HPGD: variants seen among roughly 807,000 people sequenced by gnomAD.
The protein encoded by HPGD is 15-hydroxyprostaglandin dehydrogenase [NAD(+)].
A neutral mutation model predicts 30.0 loss-of-function variants in HPGD; 29 were observed. The observed-to-expected ratio is 0.97, with a 90% CI of 0.72 to 1.32. The LOEUF (loss-of-function observed/expected upper bound fraction) is 1.32, where lower values mean the gene tolerates loss of function less well. Among genes scored for constraint, HPGD ranks in the 40% most tolerant of loss-of-function variants. The pLI, the probability that HPGD is intolerant of heterozygous loss-of-function variation, is 0.00. For synonymous variants in HPGD, 99 were observed against 112.4 expected (o/e 0.88, Z 0.75); for missense variants, 340 against 322.1 (o/e 1.06, Z -0.43).
At chr4:174,520,093 A>C (rs1411781923) in intron 2 of HPGD, among the ~76,000 whole-genome samples, 1 of 152,118 alleles carries the variant, frequency 6.6e-6, no homozygotes, top group Non-Finnish European at 1.5e-5. Context: ...CCACAGAAAC[A>C]ACCTTCACCT....
rs1187806208 is a variant in HPGD at position 174,495,575 on chromosome 4, G to A, written c.471C>T (p.Gly157=). The A allele has an allele frequency of 3.7e-6, 6 of 1,613,558 alleles. No individual in the cohort carries two copies. Among genetic ancestry groups the A allele is most frequent in the East Asian group, 4.5e-5 (2 of 44,868 alleles). ...QQPVYCASKH[G]IVGFTRSAAL... is the part of the protein sequence containing the mutation. The stretch of plus-strand genomic sequence containing the variant: ...CTGCTGAGCGTGTGAATCCAACTAT[G>A]CCATGCTTTGAAGCACAATAAACCG... Residue 157 remains glycine, a synonymous_variant, in exon 5 of 7, where the codon GGC becomes GGT. Coordinates refer to ENST00000296522, the MANE Select transcript of HPGD (RefSeq NM_000860.6).
At chr4:174,506,926 C>T (rs1735219586) in intron 4 of HPGD, 1 of 152,202 alleles carries the variant, frequency 6.6e-6, no homozygotes, top group Non-Finnish European at 1.5e-5. Context: ...CATGGTACTC[C>T]AAGCTTTGCT....
chr4:174,513,457 C>CAT (rs1012235212), intron 3 of HPGD, among the ~76,000 whole-genome samples: 4 of 147,720 alleles, frequency 2.7e-5, no homozygotes, highest in Non-Finnish European at 6.0e-5. Flanking sequence ...ATATAAAATG[C>CAT]ATATTTTTTT....
At chr4:174,518,146 G>T in intron 2 of HPGD, 69 bp from the exon 3 acceptor site, 1 of 776,564 alleles carries the variant, frequency 1.3e-6, no homozygotes, top group Non-Finnish European at 2.2e-6. Context: ...CATGTCCTAT[G>T]CCATGAGAGG....
At chr4:174,497,568 C>CCTTTTTT (rs1560976894) in intron 4 of HPGD, among the ~76,000 whole-genome samples, 1 of 51,114 alleles carries the variant, frequency 2.0e-5, no homozygotes, top group Non-Finnish European at 4.1e-5. Context: ...CTTTTTCTTT[C>CCTTTTTT]TTTTTTTTTT....
rs1734324433 is a variant in HPGD at position 174,491,148 on chromosome 4, T to C, written c.*808A>G. The C allele has an allele frequency of 6.6e-6, 1 of 152,644 alleles. No individual in the cohort carries two copies. The highest frequency in any genetic ancestry group is 2.4e-5 in the African/African-American group (1 of 41,450). 9.5% of individuals were successfully genotyped at this position (152,644 alleles called of 1,614,324 possible). On this transcript the variant is annotated 3_prime_UTR_variant, in exon 7 of 7. Coordinates refer to ENST00000296522, the MANE Select transcript of HPGD (RefSeq NM_000860.6). ...TTGGACAAGTCAATAAAGAAGTAAT[T>C]TGAAAAAAATATTACATTTGCATTT...
rs1278411779 is a variant in HPGD at position 174,491,173 on chromosome 4, T to A, written c.*783A>T. The A allele has an allele frequency of 1.3e-5, 2 of 152,708 alleles. No homozygotes were observed. 9.5% of individuals were successfully genotyped at this position (152,708 alleles called of 1,614,324 possible). A position where few individuals can be genotyped will look rare whatever the true frequency, so the allele number is the denominator to read the frequency against. On this transcript the variant is annotated 3_prime_UTR_variant, in exon 7 of 7. Coordinates refer to ENST00000296522, the MANE Select transcript of HPGD (RefSeq NM_000860.6). ...TTGAAAAAAATATTACATTTGCATT[T>A]TTTTCTTGTTGAGCATCTTAAATAT...
chr4:174,495,130 T>C (rs528183751), intron 5 of HPGD, among the ~76,000 whole-genome samples: 1 of 152,312 alleles, frequency 6.6e-6, no homozygotes, highest in Admixed American at 6.5e-5. Flanking sequence ...GACCACTCTA[T>C]CAAGTAAATG....
intron 3 of HPGD, among the ~76,000 whole-genome samples, chr4:174,513,677 C>T (rs181583018): frequency 6.6e-6 from 1 of 151,796 alleles, no homozygotes; most frequent in Non-Finnish European, 1.5e-5. Flanking sequence ...AATAAACCAT[C>T]AGCAACAACA....
chr4:174,497,568 CTTTTTTTTTTTTTTT>C (rs778825547), intron 4 of HPGD, among the ~76,000 whole-genome samples: 6 of 51,106 alleles, frequency 1.2e-4, no homozygotes, highest in Admixed American at 7.0e-4. Context: ...CTTTTTCTTT[CTTTTTTTTTTTTTTT>C]TTTTTTTTTT....
At chr4:174,515,754 A>C (rs1201123961) in intron 3 of HPGD, among the ~76,000 whole-genome samples, 2 of 152,168 alleles carry the variant, frequency 1.3e-5, no homozygotes, top group Non-Finnish European at 2.9e-5. Flanking sequence ...AGATTATATA[A>C]GGAACTTGAG....
intron 4 of HPGD, among the ~76,000 whole-genome samples, chr4:174,499,542 G>T (rs1734802425): frequency 1.3e-5 from 2 of 152,084 alleles, no homozygotes; most frequent in Admixed American, 6.5e-5. Flanking sequence ...TATATGCCTT[G>T]CATTGTCTCC....
intron 3 of HPGD, among the ~76,000 whole-genome samples, chr4:174,512,907 A>C (rs1735582216): frequency 6.6e-6 from 1 of 152,214 alleles, no homozygotes; most frequent in South Asian, 2.1e-4. Context: ...CTATTTGCCC[A>C]TGATATTGGC....
chr4:174,492,157 A>G lies in HPGD; in HGVS notation c.663-63T>C. 1 of 1,465,072 alleles carries G rather than the reference A, an allele frequency of 6.8e-7. No individual in the cohort carries two copies. The highest frequency in any genetic ancestry group is 9.5e-7 in the Non-Finnish European group (1 of 1,051,600). 90.8% of individuals were successfully genotyped at this position (1,465,072 alleles called of 1,614,324 possible). A position where few individuals can be genotyped will look rare whatever the true frequency, so the allele number is the denominator to read the frequency against. ...TGAGGCATATTACCACTTCATTTTA[A>G]GTTATTTTCTGAAGAATCTATTAAG... On this transcript the variant is annotated intron_variant, in intron 6 of 6. Coordinates refer to ENST00000296522, the MANE Select transcript of HPGD (RefSeq NM_000860.6). The surrounding 1 kb of genome is among the most constrained non-coding windows in gnomAD (Gnocchi z 4.9).
intron 4 of HPGD, 49 bp from the exon 5 acceptor site, chr4:174,495,673 A>G: frequency 1.6e-6 from 2 of 1,230,430 alleles, no homozygotes; most frequent in Non-Finnish European, 1.2e-6. Context: ...AAAAATAAGT[A>G]GACTATACCC....
intron 3 of HPGD, 23 bp downstream of exon 3, chr4:174,517,948 G>C (rs1458220339): frequency 5.0e-6 from 6 of 1,196,084 alleles, no homozygotes; most frequent in Non-Finnish European, 7.5e-6. Flanking sequence ...TTATAGACAA[G>C]AAATATAGCT....
chr4:174,504,496 A>G (rs987884171), intron 4 of HPGD, among the ~76,000 whole-genome samples: 1 of 152,088 alleles, frequency 6.6e-6, no homozygotes, highest in Non-Finnish European at 1.5e-5. Flanking sequence ...TCCTGTGACA[A>G]TAACTTTTCC....
Position 174,496,550 on chromosome 4 carries a change from C to T in HPGD, c.422-926G>A, listed in dbSNP as rs1035295079. Among the ~76,000 whole-genome samples the T allele has an allele frequency of 6.6e-6, 1 of 152,140 alleles. No individual in the cohort carries two copies. The highest frequency in any genetic ancestry group is 2.4e-5 in the African/African-American group (1 of 41,432). ...ATCAGCAATCAAATTGAACCAGAGT[C>T]ATTCTTGTATTTGTTTTTGACTAAT... On this transcript the variant is annotated intron_variant, in intron 4 of 6. Transcript: ENST00000296522. The surrounding 1 kb of genome is among the most constrained non-coding windows in gnomAD (Gnocchi z 4.6).
upstream of HPGD, chr4:174,522,561 T>A: frequency 1.4e-6 from 1 of 700,096 alleles, no homozygotes; most frequent in Non-Finnish European, 2.2e-6. Context: ...GGCGCTCCCC[T>A]GCCAGTGGGC....
Sources: gnomAD v4.1 joint callset for allele counts (sites outside exome capture counted in the v4.1 genomes callset) on GRCh38, gnomAD v4.1.1 for gene constraint, Gnocchi (gnomAD v3.1) non-coding constraint, MANE v1.5 for transcripts, NCBI Gene and HGNC (gene_info 2026-07-23, HGNC 2026-07-21) for gene names.